Variants in PTPRD observed in about 807,000 individuals in gnomAD.
PTPRD encodes protein tyrosine phosphatase receptor type D, also known as receptor-type tyrosine-protein phosphatase delta.
Under a neutral mutation model 214.5 loss-of-function variants are expected in PTPRD, and 34 were observed. That is an observed-to-expected ratio of 0.16 (90% CI 0.12 to 0.21). The LOEUF is 0.21. PTPRD is among the 10% of genes least tolerant of loss of function. The pLI is 1.00. For synonymous variants in PTPRD, 1,128 were observed against 845.7 expected, an observed-to-expected ratio of 1.33 and a Z score of -5.79; for missense variants, 2,545 against 2,398.7, an observed-to-expected ratio of 1.06 and a Z score of -1.27.
intron 2 of PTPRD, among the ~76,000 whole-genome samples, chr9:10,608,437 TAACAAGAGTGTCCAGG>T (rs2080067167): frequency 6.6e-6 from 1 of 152,016 alleles, no homozygotes; most frequent in Non-Finnish European, 1.5e-5. Context: ...TCAATCTACG[TAACAAGAGTGTCCAGG>T]CACTGCTGAC....
chr9:8,670,865 TAG>T (rs2097269764), intron 12 of PTPRD, among the ~76,000 whole-genome samples: 1 of 152,164 alleles, frequency 6.6e-6, no homozygotes, highest in Non-Finnish European at 1.5e-5. Context: ...TTTCAGTAGT[TAG>T]AGAGGATCAC....
chr9:9,125,205 C>T (rs10120781), intron 10 of PTPRD, among the ~76,000 whole-genome samples: 4,989 of 152,226 alleles, frequency 0.033, 156 homozygotes, highest in African/African-American at 0.072. Flanking sequence ...CAGAGTGGGC[C>T]ACTCCTAAGC....
At chr9:10,456,313 T>C (rs1221074437) in intron 2 of PTPRD, among the ~76,000 whole-genome samples, 3 of 151,886 alleles carry the variant, frequency 2.0e-5, no homozygotes, top group Non-Finnish European at 4.4e-5. Context: ...TTTTTGAAGC[T>C]CCATTTACCA....
At chr9:8,534,361 A>G (rs567685477) in intron 14 of PTPRD, among the ~76,000 whole-genome samples, 5 of 151,906 alleles carry the variant, frequency 3.3e-5, no homozygotes, top group Non-Finnish European at 5.9e-5. Context: ...TGTTGAAACT[A>G]ATGGCTAAAA....
At chr9:8,997,837 G>C (rs2154352666) in intron 11 of PTPRD, among the ~76,000 whole-genome samples, 1 of 152,210 alleles carries the variant, frequency 6.6e-6, no homozygotes, top group Middle Eastern at 3.4e-3. Flanking sequence ...GTCTACTCCA[G>C]TGAATACACA....
At chr9:8,959,479 G>C (rs950082642) in intron 11 of PTPRD, among the ~76,000 whole-genome samples, 4 of 151,936 alleles carry the variant, frequency 2.6e-5, no homozygotes, top group Non-Finnish European at 4.4e-5. Flanking sequence ...GAGAGAGAGT[G>C]AGAGGAGGAG....
At chr9:9,264,689 G>A (rs1469847208) in intron 9 of PTPRD, among the ~76,000 whole-genome samples, 2 of 151,604 alleles carry the variant, frequency 1.3e-5, no homozygotes, top group East Asian at 3.9e-4. Flanking sequence ...GAAGCTTAAA[G>A]GTCTCCAATC....
At chr9:8,515,691 C>A (rs567430190) in intron 21 of PTPRD, among the ~76,000 whole-genome samples, 1 of 152,238 alleles carries the variant, frequency 6.6e-6, no homozygotes, top group East Asian at 1.9e-4. Context: ...AGATTGCCAG[C>A]AAACCAACCA....
intron 3 of PTPRD, among the ~76,000 whole-genome samples, chr9:10,330,424 T>C (rs2096727879): frequency 6.6e-6 from 1 of 151,830 alleles, no homozygotes; most frequent in Admixed American, 6.6e-5. Flanking sequence ...TATTATAAGA[T>C]AATGTAGGAA....
intron 12 of PTPRD, among the ~76,000 whole-genome samples, chr9:8,683,696 C>T (rs1483026942): frequency 6.6e-6 from 1 of 152,164 alleles, no homozygotes; most frequent in African/African-American, 2.4e-5. Flanking sequence ...AATCTGGGCA[C>T]AGGGTTGTGA....
At chr9:9,281,898 T>A (rs1343480573) in intron 9 of PTPRD, among the ~76,000 whole-genome samples, 3 of 151,024 alleles carry the variant, frequency 2.0e-5, no homozygotes, top group African/African-American at 7.3e-5. Context: ...TATATCCAGA[T>A]GATGAAATAT....
intron 7 of PTPRD, among the ~76,000 whole-genome samples, chr9:9,630,305 T>C (rs1451606832): frequency 2.0e-5 from 3 of 152,164 alleles, no homozygotes; most frequent in Admixed American, 6.5e-5. Flanking sequence ...GAAAAAGAAT[T>C]GATCTTTTCC....
intron 8 of PTPRD, among the ~76,000 whole-genome samples, chr9:9,511,863 C>G (rs572570705): frequency 6.6e-6 from 1 of 151,836 alleles, no homozygotes; most frequent in East Asian, 1.9e-4. Context: ...TATTTCCAAA[C>G]AACTTTAGGT....
intron 5 of PTPRD, among the ~76,000 whole-genome samples, chr9:9,792,814 A>C (rs1444068735): frequency 7.2e-5 from 11 of 152,288 alleles, no homozygotes; most frequent in Non-Finnish European, 1.5e-4. Context: ...ACAGGTGTTA[A>C]TTTCAATCCT....
At chr9:10,256,161 T>G (rs2093255948) in intron 3 of PTPRD, among the ~76,000 whole-genome samples, 1 of 152,182 alleles carries the variant, frequency 6.6e-6, no homozygotes, top group South Asian at 2.1e-4. Flanking sequence ...CCCTCTCCCA[T>G]TGCCCTCAGT....
chr9:9,796,642 A>G (rs1392675089), intron 5 of PTPRD, among the ~76,000 whole-genome samples: 1 of 152,130 alleles, frequency 6.6e-6, no homozygotes, highest in Admixed American at 6.6e-5. Flanking sequence ...AGAAGAAAAA[A>G]CAAGCAAAAA....
intron 5 of PTPRD, among the ~76,000 whole-genome samples, chr9:9,911,918 GT>G (rs1367409804): frequency 4.6e-5 from 7 of 151,964 alleles, no homozygotes; most frequent in Non-Finnish European, 1.0e-4. Flanking sequence ...GAGATCATCT[GT>G]TTTTTCTTGT....
intron 11 of PTPRD, among the ~76,000 whole-genome samples, chr9:8,842,774 A>C (rs1318258180): frequency 6.6e-6 from 1 of 152,190 alleles, no homozygotes; most frequent in African/African-American, 2.4e-5. Flanking sequence ...CTGTGACAAA[A>C]TTCAAACGCA....
chr9:9,745,977 G>C (rs2098453779), intron 6 of PTPRD, among the ~76,000 whole-genome samples: 1 of 151,936 alleles, frequency 6.6e-6, no homozygotes, highest in Admixed American at 6.6e-5. Flanking sequence ...TTCATTGCTT[G>C]GGATGGGGAA....
Sources: allele counts gnomAD v4.1 joint callset (sites outside exome capture counted in the v4.1 genomes callset), GRCh38; gene constraint gnomAD v4.1.1; transcripts MANE v1.5; gene names NCBI Gene and HGNC (gene_info 2026-07-23, HGNC 2026-07-21).